The following PRR12 variants were observed in gnomAD, a reference collection of about 807,000 sequenced individuals.
The protein encoded by PRR12 is proline-rich protein 12.
PRR12 carries 12 observed loss-of-function variants against 138.0 expected under a neutral mutation model. That is an observed-to-expected ratio of 0.09 (90% CI 0.06 to 0.14). The LOEUF is 0.14. Ranked by LOEUF, PRR12 falls within the 10% of genes least tolerant of loss-of-function variation. The pLI is 1.00. For missense variants in PRR12, 2,692 were observed against 2,861.3 expected (o/e 0.94, Z 1.35); for synonymous variants, 1,567 against 1,291.7 (o/e 1.21, Z -4.57).
At chr19:49,591,795 G>GGCCGGGCCGGGCCGAGCCCA in intron 1 of PRR12, 55 bp downstream of exon 1, 2 of 507,500 alleles carry the variant, frequency 3.9e-6, no homozygotes, top group Non-Finnish European at 5.0e-6. Flanking sequence ...AGCCCAGCCG[G>GGCCGGGCCGGGCCGAGCCCA]GCCGGGCCGG....
chr19:49,599,418 G>A lies in PRR12; in HGVS notation c.3825G>A (p.Pro1275=), dbSNP rs73586557. The A allele has an allele frequency of 1.0e-3, 1,619 of 1,610,560 alleles. 18 individuals carry two copies. The African/African-American group carries it at 0.018, about 18-fold the overall frequency. The change falls in exon 5 of 14, where the codon CCG becomes CCA. Residue 1275 remains proline (P), a synonymous_variant. Transcript: ENST00000418929. This position sits in a 1 kb window ranked among gnomAD's most constrained non-coding sequence, Gnocchi z 5.0. ...TTAAGGAGGTGGAGGAGAAGCAGCC[G>A]GAGATGAAGTCGGGTTTCATGGCCT... ...AKIKEVEEKQ[P]EMKSGFMASF...
At chr19:49,606,884 C>T (rs973622133) in intron 6 of PRR12, among the ~76,000 whole-genome samples, 2 of 151,982 alleles carry the variant, frequency 1.3e-5, no homozygotes, top group Non-Finnish European at 2.9e-5. Flanking sequence ...CTTAAAGCCC[C>T]TACAAAAACA....
At position 49,625,228 on chromosome 19, in the gene PRR12, C is replaced by T. The variant is rs1482454575; in HGVS notation, c.5964+28C>T. The T allele has an allele frequency of 6.3e-7, 1 of 1,598,616 alleles. No individual in the cohort carries two copies. The highest frequency in any genetic ancestry group is 8.6e-7 in the Non-Finnish European group (1 of 1,166,566). On this transcript the variant is annotated intron_variant, in intron 13 of 13. Coordinates refer to ENST00000418929, the MANE Select transcript of PRR12 (RefSeq NM_020719.3). This position sits in a 1 kb window ranked among gnomAD's most constrained non-coding sequence, Gnocchi z 5.5. ...GAGCCCCACCCACAGCACCCATCGC[C>T]CTGGGATTCCAACCTTTCTGACTTC... is the stretch of plus-strand genomic sequence containing the variant.
rs1338828478 is a variant in PRR12 at position 49,596,733 on chromosome 19, C to G, written c.2398C>G (p.Gln800Glu). The G allele has an allele frequency of 1.9e-6, 3 of 1,605,012 alleles. No homozygotes were observed. Among genetic ancestry groups the G allele is most frequent in the Non-Finnish European group, 2.5e-6 (3 of 1,178,648 alleles). The change falls in exon 4 of 14, where the codon CAG becomes GAG. Residue 800 changes from glutamine to glutamate, a missense_variant. Around this residue, in one of 11 missense-constraint regions of PRR12, gnomAD observed 840 missense variants for 689.8 expected, o/e 1.22. Coordinates refer to ENST00000418929, the MANE Select transcript of PRR12 (RefSeq NM_020719.3). This position sits in a 1 kb window ranked among gnomAD's most constrained non-coding sequence, Gnocchi z 5.6. The stretch of plus-strand genomic sequence containing the variant: ...ACTGGTGCTGCCTCCGCCTCCCCCC[C>G]AGCTGCTCCCCTCGGTCCTCAGCCA... ...LPLVLPPPPP[Q>E]LLPSVLSHAP...
In PRR12 at chr19:49,594,314, C is replaced by CGAT; in HGVS notation, c.200-140_200-139insGAT. On this transcript the variant is annotated intron_variant, in intron 2 of 13. Transcript: ENST00000418929. The surrounding 1 kb of genome is among the most constrained non-coding windows in gnomAD (Gnocchi z 5.6). Reference sequence around the variant, plus strand: ...CATGTCTCATTAGCTTGGTTCTATCCATCTTGTTTTTGAATTTGCCCTTTT... The same window carrying CGAT: ...CATGTCTCATTAGCTTGGTTCTATCCGATATCTTGTTTTTGAATTTGCCCTTTT... 1 of 702,266 alleles carries CGAT rather than the reference C, an allele frequency of 1.4e-6. No homozygotes were observed. The highest frequency in any genetic ancestry group is 2.8e-5 in the East Asian group (1 of 35,250). The allele number at this position is 702,266 out of a possible 1,614,324, so 43.5% of individuals were successfully genotyped here. A position where few individuals can be genotyped will look rare whatever the true frequency, so the allele number is the denominator to read the frequency against.
rs370755618 is a variant in PRR12 at position 49,596,363 on chromosome 19, G to A, written c.2028G>A (p.Gly676=). ...GAADASKGLG[G]SGGAGGPPGT... ...CAGATGCCTCTAAGGGACTTGGGGG[G>A]AGTGGCGGGGCCGGGGGACCACCGG... Residue 676 remains glycine, a synonymous_variant, in exon 4 of 14, where the codon GGG becomes GGA. Transcript: ENST00000418929. The surrounding 1 kb of genome is among the most constrained non-coding windows in gnomAD (Gnocchi z 5.6). 5.0e-6 allele frequency: 8 copies of A among 1,599,744 alleles called. No homozygotes were observed. The highest frequency in any genetic ancestry group is 6.0e-6 in the Non-Finnish European group (7 of 1,176,364).
Position 49,598,017 on chromosome 19 carries a change from AG to A in PRR12, c.3678+8del. On this transcript the variant is annotated splice_donor_5th_base_variant and intron_variant, in intron 4 of 13. Coordinates refer to ENST00000418929, the MANE Select transcript of PRR12 (RefSeq NM_020719.3). ...GGAGCCCCTGAAGCCACTTAAGGTGAGGGGAAATGGGGTCTTGTAGGGGATA... is the reference window on the plus strand; with the variant it reads ...GGAGCCCCTGAAGCCACTTAAGGTGAGGGAAATGGGGTCTTGTAGGGGATA... The A allele has an allele frequency of 7.4e-7, 1 of 1,350,826 alleles. No homozygotes were observed. The allele number at this position is 1,350,826 out of a possible 1,614,324, so 83.7% of individuals were successfully genotyped here.
chr19:49,599,724 G>A lies in PRR12; in HGVS notation c.4131G>A (p.Leu1377=). Residue 1377 remains leucine (L), a synonymous_variant, in exon 5 of 14, where the codon CTG becomes CTA. Coordinates refer to ENST00000418929, the MANE Select transcript of PRR12 (RefSeq NM_020719.3). The surrounding 1 kb of genome is among the most constrained non-coding windows in gnomAD (Gnocchi z 5.0). ...DEELKRNLET[L]PSFSSDEEDS... The stretch of plus-strand genomic sequence containing the variant: ...AGCTGAAGCGGAACCTCGAGACGCT[G>A]CCCTCCTTCTCCTCGGATGAGGAAG... 6.2e-7 allele frequency: 1 copy of A among 1,613,592 alleles called. No homozygotes were observed. The highest frequency in any genetic ancestry group is 1.1e-5 in the South Asian group (1 of 91,088).
rs979573843 is a variant in PRR12 at position 49,614,417 on chromosome 19, G to T, written c.4774-116G>T. 1.8e-5 allele frequency: 12 copies of T among 663,758 alleles called. No homozygotes were observed. The highest frequency in any genetic ancestry group is 2.5e-5 in the Non-Finnish European group (10 of 396,362). 41.1% of individuals were successfully genotyped at this position (663,758 alleles called of 1,614,324 possible). ...GGGGTAGAAGATATTTGTTGTTGAC[G>T]TGTCTGCCTTTTCTCTAAGGGGATG... is the stretch of plus-strand genomic sequence containing the variant. On this transcript the variant is annotated intron_variant, in intron 6 of 13. Transcript: ENST00000418929. This position sits in a 1 kb window ranked among gnomAD's most constrained non-coding sequence, Gnocchi z 5.0.
At chr19:49,603,917 T>C (rs538257067) in intron 6 of PRR12, among the ~76,000 whole-genome samples, 3 of 151,600 alleles carry the variant, frequency 2.0e-5, no homozygotes, top group Middle Eastern at 3.4e-3. Context: ...GCTGCCCGGG[T>C]TCAAGCGATT....
At chr19:49,600,974 C>T (rs1322280255) in intron 5 of PRR12, among the ~76,000 whole-genome samples, 1 of 152,146 alleles carries the variant, frequency 6.6e-6, no homozygotes, top group Non-Finnish European at 1.5e-5. Context: ...ATCCACCCAC[C>T]TCAGCCTCCC....
At chr19:49,621,184 G>A (rs2080921302) in intron 10 of PRR12, among the ~76,000 whole-genome samples, 2 of 141,200 alleles carry the variant, frequency 1.4e-5, no homozygotes, top group Non-Finnish European at 3.1e-5. Flanking sequence ...AGGGGCTGGG[G>A]CCTGGACTCC....
At chr19:49,604,199 G>A (rs969668782) in intron 6 of PRR12, among the ~76,000 whole-genome samples, 54 of 151,978 alleles carry the variant, frequency 3.6e-4, no homozygotes, top group African/African-American at 1.2e-3. Flanking sequence ...ATTTCATTGT[G>A]GGAAAAGTAA....
intron 6 of PRR12, among the ~76,000 whole-genome samples, chr19:49,611,623 C>CT (rs1217533303): frequency 2.0e-5 from 3 of 147,746 alleles, no homozygotes; most frequent in South Asian, 2.1e-4. Context: ...AGGCGAAACT[C>CT]TATCTAAAAA....
chr19:49,623,411 G>A (rs2080935798), intron 11 of PRR12, among the ~76,000 whole-genome samples: 1 of 151,982 alleles, frequency 6.6e-6, no homozygotes, highest in Admixed American at 6.6e-5. Context: ...GGATCACGAG[G>A]TCAGGAGACC....
intron 6 of PRR12, among the ~76,000 whole-genome samples, chr19:49,606,589 G>A (rs1286169797): frequency 6.6e-6 from 1 of 151,122 alleles, no homozygotes; most frequent in African/African-American, 2.4e-5. Context: ...CAAAGTGCTG[G>A]GATTACAGGC....
rs2080781024 is a variant in PRR12 at position 49,597,449 on chromosome 19, G to A, written c.3114G>A (p.Ala1038=). Residue 1038 remains alanine (A), a synonymous_variant, in exon 4 of 14, where the codon GCG becomes GCA. Coordinates refer to ENST00000418929, the MANE Select transcript of PRR12 (RefSeq NM_020719.3). This position sits in a 1 kb window ranked among gnomAD's most constrained non-coding sequence, Gnocchi z 6.3. ...GLIQSGPHQA[A]PPPPPPPPPP... Reference sequence around the variant, plus strand: ...TCCAGAGTGGCCCCCACCAGGCGGCGCCACCACCCCCGCCTCCGCCACCGC... The same window carrying A: ...TCCAGAGTGGCCCCCACCAGGCGGCACCACCACCCCCGCCTCCGCCACCGC... The A allele has an allele frequency of 1.3e-6, 2 of 1,538,990 alleles. No homozygotes were observed. Among genetic ancestry groups the A allele is most frequent in the South Asian group, 1.2e-5 (1 of 83,940 alleles).
chr19:49,598,820 A>G (rs2080792858), intron 4 of PRR12, among the ~76,000 whole-genome samples: 1 of 152,100 alleles, frequency 6.6e-6, no homozygotes, highest in South Asian at 2.1e-4. Context: ...CTGTCTCAAG[A>G]GATAAAGGAA....
At position 49,607,361 on chromosome 19, in the gene PRR12, G is replaced by GCGCGCACACACACACACA. The variant is rs1555742564; in HGVS notation, c.4773+5444_4773+5445insGCGCACACACACACACAC. ...GAGTGAGCCTCTGTCATGTACGTGT[G>GCGCGCACACACACACACA]CACACACACACACACACACAGAGTT... On this transcript the variant is annotated intron_variant, in intron 6 of 13. Transcript: ENST00000418929. Among the ~76,000 whole-genome samples, 258 of 147,864 alleles carry GCGCGCACACACACACACA rather than the reference G, an allele frequency of 1.7e-3. 9 individuals carry two copies. In the South Asian group the frequency reaches 0.042, roughly 24 times the overall value.
Sources: gnomAD v4.1 joint callset for allele counts (sites outside exome capture counted in the v4.1 genomes callset) on GRCh38, gnomAD v4.1.1 for gene constraint, gnomAD v4.1.1 regional missense constraint, Gnocchi (gnomAD v3.1) non-coding constraint, MANE v1.5 for transcripts, NCBI Gene and HGNC (gene_info 2026-07-23, HGNC 2026-07-21) for gene names.